Variants in CRTAC1 observed in about 807,000 individuals in gnomAD.
CRTAC1 encodes cartilage acidic protein 1, also known as acidic secreted protein in cartilage.
CRTAC1 carries 37 observed loss-of-function variants against 67.8 expected under a neutral mutation model. That is an observed-to-expected ratio of 0.55 (90% CI 0.42 to 0.72). The LOEUF (loss-of-function observed/expected upper bound fraction) is 0.72, where lower values mean the gene tolerates loss of function less well. Ranked by LOEUF, CRTAC1 falls within the 30% of genes least tolerant of loss-of-function variation. The pLI is 0.00. For missense variants in CRTAC1, 780 were observed against 931.6 expected, an observed-to-expected ratio of 0.84 and a Z score of 2.12; for synonymous variants, 348 against 371.0, an observed-to-expected ratio of 0.94 and a Z score of 0.71.
chr10:97,888,595 G>C (rs781124458), intron 11 of CRTAC1, among the ~76,000 whole-genome samples: 1 of 152,144 alleles, frequency 6.6e-6, no homozygotes, highest in Non-Finnish European at 1.5e-5. Context: ...GTGACTTGCA[G>C]GTGTCTGAGC....
intron 3 of CRTAC1, among the ~76,000 whole-genome samples, chr10:97,934,486 G>GCCCCTC (rs60934899): frequency 0.12 from 18,314 of 152,144 alleles, 1,140 homozygotes; most frequent in Non-Finnish European, 0.15. Flanking sequence ...CCCTGCCCCT[G>GCCCCTC]GCATAAGCCC....
intron 2 of CRTAC1, among the ~76,000 whole-genome samples, chr10:97,972,269 G>A (rs1317553567): frequency 6.6e-6 from 1 of 152,224 alleles, no homozygotes; most frequent in Non-Finnish European, 1.5e-5. Flanking sequence ...CCAGGTCACA[G>A]GAGGCAGGAA....
At chr10:98,002,853 A>G (rs1344196809) in intron 2 of CRTAC1, among the ~76,000 whole-genome samples, 2 of 124,416 alleles carry the variant, frequency 1.6e-5, no homozygotes, top group African/African-American at 3.1e-5. Flanking sequence ...ATCTCCGTTC[A>G]CTGCAAGCTC....
chr10:97,889,872 G>A, intron 11 of CRTAC1, among the ~76,000 whole-genome samples: 1 of 152,130 alleles, frequency 6.6e-6, no homozygotes, highest in East Asian at 1.9e-4. Context: ...CTACTCCTCA[G>A]TCATGCGGGA....
intron 14 of CRTAC1, chr10:97,866,159 G>GT (rs958566691): frequency 6.2e-6 from 1 of 161,002 alleles, no homozygotes; most frequent in Non-Finnish European, 1.4e-5. Context: ...CTGTCTCCCA[G>GT]TATCTGTTCC....
chr10:98,005,098 A>ATTTTT (rs1347220699), intron 2 of CRTAC1, among the ~76,000 whole-genome samples: 78 of 38,182 alleles, frequency 2.0e-3, no homozygotes, highest in African/African-American at 7.6e-3. Flanking sequence ...ATATATATAT[A>ATTTTT]TATTTTTTTT....
intron 2 of CRTAC1, among the ~76,000 whole-genome samples, chr10:97,996,483 A>G (rs1842572917): frequency 6.6e-6 from 1 of 152,120 alleles, no homozygotes; most frequent in Admixed American, 6.5e-5. Context: ...ACATGAAAAA[A>G]TGCTCATCAT....
intron 14 of CRTAC1, among the ~76,000 whole-genome samples, chr10:97,878,145 C>A (rs968029492): frequency 3.9e-5 from 6 of 152,220 alleles, no homozygotes; most frequent in African/African-American, 1.4e-4. Context: ...GGGCTCCAGC[C>A]CTGGCCTGGG....
chr10:97,881,314 CCTT>C (rs2050211000), intron 13 of CRTAC1, among the ~76,000 whole-genome samples: 1 of 152,216 alleles, frequency 6.6e-6, no homozygotes, highest in Non-Finnish European at 1.5e-5. Context: ...TCACTCCTGC[CCTT>C]CCCTCAACTC....
chr10:97,965,617 T>G (rs867755768), intron 2 of CRTAC1, among the ~76,000 whole-genome samples: 4 of 152,282 alleles, frequency 2.6e-5, no homozygotes, highest in South Asian at 2.1e-4. Context: ...AGTTGTTGTT[T>G]TTTTTTTTAA....
intron 14 of CRTAC1, among the ~76,000 whole-genome samples, chr10:97,875,375 C>T (rs939082716): frequency 2.6e-5 from 4 of 152,224 alleles, no homozygotes; most frequent in Admixed American, 1.3e-4. Context: ...TTTTTCTTCT[C>T]TCTTGCGTCT....
intron 7 of CRTAC1, among the ~76,000 whole-genome samples, chr10:97,902,999 C>T (rs1056743922): frequency 6.6e-5 from 10 of 151,934 alleles, no homozygotes; most frequent in African/African-American, 2.4e-4. Flanking sequence ...CCTCCCATAG[C>T]CCCCTTGGGG....
At chr10:97,980,271 C>A (rs2051871049) in intron 2 of CRTAC1, among the ~76,000 whole-genome samples, 1 of 152,208 alleles carries the variant, frequency 6.6e-6, no homozygotes, top group Non-Finnish European at 1.5e-5. Flanking sequence ...AAGGTAGGTT[C>A]TGAGAAGCTG....
At chr10:97,883,920 C>A (rs1210011572) in intron 12 of CRTAC1, among the ~76,000 whole-genome samples, 5 of 152,168 alleles carry the variant, frequency 3.3e-5, no homozygotes, top group African/African-American at 1.2e-4. Context: ...CTTGGTGGGC[C>A]TTGGTGGATT....
At chr10:97,940,175 C>T (rs1253245083) in intron 2 of CRTAC1, among the ~76,000 whole-genome samples, 1 of 152,224 alleles carries the variant, frequency 6.6e-6, no homozygotes, top group Non-Finnish European at 1.5e-5. Context: ...TCATTCCGTC[C>T]TCACAACAAT....
At chr10:97,989,856 G>A (rs1044785192) in intron 2 of CRTAC1, among the ~76,000 whole-genome samples, 1 of 152,310 alleles carries the variant, frequency 6.6e-6, no homozygotes, top group South Asian at 2.1e-4. Context: ...CACAGATTGC[G>A]TGACTCCATC....
At chr10:97,999,616 A>C (rs1040198035) in intron 2 of CRTAC1, among the ~76,000 whole-genome samples, 6 of 152,156 alleles carry the variant, frequency 3.9e-5, no homozygotes, top group Non-Finnish European at 8.8e-5. Context: ...GGTTTCTGAG[A>C]AGAAGGGGGC....
intron 1 of CRTAC1, among the ~76,000 whole-genome samples, chr10:98,026,976 G>A (rs1843245859): frequency 6.6e-6 from 1 of 152,124 alleles, no homozygotes; most frequent in African/African-American, 2.4e-5. Context: ...TCAGGAGATT[G>A]AGACCACAGT....
At chr10:97,995,157 T>C (rs1842536612) in intron 2 of CRTAC1, among the ~76,000 whole-genome samples, 1 of 152,180 alleles carries the variant, frequency 6.6e-6, no homozygotes, top group Admixed American at 6.5e-5. Context: ...CACCAGTGGA[T>C]GGTATCATCT....
Sources: allele counts gnomAD v4.1 joint callset (sites outside exome capture counted in the v4.1 genomes callset), GRCh38; gene constraint gnomAD v4.1.1; transcripts MANE v1.5; gene names NCBI Gene and HGNC (gene_info 2026-07-23, HGNC 2026-07-21).